STAG2: variants seen among roughly 807,000 people sequenced by gnomAD.
STAG2 encodes the protein STAG2 cohesin complex component, also known as cohesin subunit SA-2.
STAG2 carries 14 observed loss-of-function variants against 108.1 expected under a neutral mutation model. The ratio of observed to expected loss-of-function variants is 0.13; its 90% CI spans 0.09 to 0.20. The LOEUF is 0.20. STAG2 is among the 10% of genes least tolerant of loss of function. The probability of loss-of-function intolerance (pLI) is 1.00; values close to 1 mark genes in which losing one functional copy is unlikely to be tolerated. For synonymous variants in STAG2, 307 were observed against 302.7 expected (o/e 1.01, Z -0.15); for missense variants, 440 against 940.9 (o/e 0.47, Z 6.96).
At chrX:123,981,019 T>G (rs187227226) in intron 1 of STAG2, among the ~76,000 whole-genome samples, 1 of 111,758 alleles carries the variant, frequency 8.9e-6, no homozygotes, top group East Asian at 2.8e-4. Flanking sequence ...ATGAGTATCT[T>G]ATAAAAATCA....
intron 3 of STAG2, among the ~76,000 whole-genome samples, chrX:124,023,194 A>G (rs1455320274): frequency 8.9e-6 from 1 of 112,036 alleles, no homozygotes; most frequent in Admixed American, 9.5e-5. Flanking sequence ...CTTGGTTTTG[A>G]AAGATTTTGA....
intron 30 of STAG2, among the ~76,000 whole-genome samples, chrX:124,089,855 T>C (rs764688972): frequency 9.1e-6 from 1 of 110,495 alleles, no homozygotes; most frequent in Admixed American, 9.7e-5. Flanking sequence ...AGGTCAAATA[T>C]CAGCAGATTA....
intron 8 of STAG2, among the ~76,000 whole-genome samples, chrX:124,045,758 A>G (rs2057856591): frequency 9.0e-6 from 1 of 110,956 alleles, no homozygotes; most frequent in Non-Finnish European, 1.9e-5. Flanking sequence ...ATAGGTATGT[A>G]TTGGGTTTTT....
Position 124,061,327 on chromosome X carries a change from T to A in STAG2, c.1520T>A (p.Leu507His). The A allele has an allele frequency of 8.4e-7, 1 of 1,194,213 alleles. No individual in the cohort carries two copies. Among genetic ancestry groups the A allele is most frequent in the Non-Finnish European group, 1.1e-6 (1 of 880,720 alleles). ...AATAGCTTGTTACTGGAAGAGCCAC[T>A]TAGTGGAGAGGAAGGTAAGGATGTT... ...CMNSLLLEEP[L>H]SGEEALTDRQ... The change falls in exon 16 of 35, where the codon CTT (leucine) becomes CAT (histidine). Residue 507 changes from leucine to histidine, a missense_variant. By Grantham distance (99) the Leu-to-His change is moderately conservative. Coordinates refer to ENST00000371145, the MANE Select transcript of STAG2 (RefSeq NM_001042750.2).
chrX:124,002,932 A>C (rs1333169529), intron 1 of STAG2, among the ~76,000 whole-genome samples: 2 of 106,002 alleles, frequency 1.9e-5, no homozygotes, highest in African/African-American at 6.9e-5. Flanking sequence ...TTGGGATTAC[A>C]GGTGTGAGCC....
intron 6 of STAG2, among the ~76,000 whole-genome samples, chrX:124,038,011 C>CAGTA (rs1312982263): frequency 9.0e-6 from 1 of 111,259 alleles, no homozygotes; most frequent in African/African-American, 3.3e-5. Context: ...CCATGAATAA[C>CAGTA]AGTAAGTAAG....
At chrX:124,025,534 C>T (rs960965168) in intron 3 of STAG2, among the ~76,000 whole-genome samples, 3 of 111,073 alleles carry the variant, frequency 2.7e-5, no homozygotes, top group Non-Finnish European at 5.7e-5. Context: ...TTACATGGAA[C>T]ACCACAGTTC....
At chrX:123,973,510 C>G (rs766937356) in intron 1 of STAG2, among the ~76,000 whole-genome samples, 65 of 96,407 alleles carry the variant, frequency 6.7e-4, no homozygotes, top group Non-Finnish European at 1.2e-3. Flanking sequence ...CCACAGCACT[C>G]CAGCCTGGCA....
chrX:124,052,417 G>T (rs2058071066), intron 13 of STAG2, among the ~76,000 whole-genome samples: 1 of 111,991 alleles, frequency 8.9e-6, no homozygotes, highest in Admixed American at 9.5e-5. Context: ...TTTCGTATAA[G>T]TGGAATCATA....
chrX:124,034,986 T>G (rs992499010), intron 5 of STAG2, among the ~76,000 whole-genome samples: 2 of 108,697 alleles, frequency 1.8e-5, no homozygotes, highest in South Asian at 8.0e-4. Context: ...AACCTCCGCC[T>G]CCCGGGTTCA....
At chrX:124,006,832 G>A (rs2056317773) in intron 1 of STAG2, among the ~76,000 whole-genome samples, 1 of 111,169 alleles carries the variant, frequency 9.0e-6, no homozygotes, top group African/African-American at 3.3e-5. Flanking sequence ...TTTAACATGT[G>A]TTTTAAAAGT....
At chrX:124,007,371 GT>G (rs1307948814) in intron 1 of STAG2, among the ~76,000 whole-genome samples, 4 of 111,199 alleles carry the variant, frequency 3.6e-5, no homozygotes, top group African/African-American at 1.3e-4. Flanking sequence ...TAAGCAAAGT[GT>G]TGTGTTCTGA....
At position 124,025,938 on chromosome X, in the gene STAG2, C is replaced by CT. The variant is rs1158424749; in HGVS notation, c.123+23dup. The CT allele has an allele frequency of 9.2e-7, 1 of 1,085,766 alleles. No individual in the cohort carries two copies. The highest frequency in any genetic ancestry group is 2.0e-5 in the South Asian group (1 of 49,459). The allele number at this position is 1,085,766 out of a possible 1,213,427, so 89.5% of individuals were successfully genotyped here. The stretch of plus-strand genomic sequence containing the variant: ...GGCAAAGTATGTATCAAATATTTGA[C>CT]TTTATTTTGTTTCCTAAGATCTCAC... On this transcript the variant is annotated intron_variant, in intron 4 of 34. Coordinates refer to ENST00000371145, the MANE Select transcript of STAG2 (RefSeq NM_001042750.2).
chrX:124,045,564 A>G (rs1274629476), intron 8 of STAG2, among the ~76,000 whole-genome samples, 196 bp downstream of exon 8: 2 of 111,473 alleles, frequency 1.8e-5, no homozygotes, highest in Non-Finnish European at 3.8e-5. Flanking sequence ...GTGAAGGTAT[A>G]CTATAACTAG....
chrX:124,051,118 T>TTTTTCA lies in STAG2; in HGVS notation c.1018-3_1018-2insTTTTCA. ...TCTCATCTTTTTTTTTTTTTTTTTT[T>TTTTTCA]AGCAAGGTGAAGTAAGACTCAAATG... On this transcript the variant is annotated splice_region_variant and splice_polypyrimidine_tract_variant and intron_variant, in intron 11 of 34. Transcript: ENST00000371145. The TTTTTCA allele has an allele frequency of 1.1e-6, 1 of 925,743 alleles. No individual in the cohort carries two copies. The allele number at this position is 925,743 out of a possible 1,213,427, so 76.3% of individuals were successfully genotyped here.
At chrX:123,982,330 C>T (rs2054914183) in intron 1 of STAG2, among the ~76,000 whole-genome samples, 1 of 111,028 alleles carries the variant, frequency 9.0e-6, no homozygotes, top group African/African-American at 3.3e-5. Context: ...GAGTGAGACC[C>T]TGTCTTTAAA....
Position 124,050,347 on chromosome X carries a change from C to T in STAG2, c.1017+38C>T, listed in dbSNP as rs755084915. On this transcript the variant is annotated intron_variant, in intron 11 of 34. Coordinates refer to ENST00000371145, the MANE Select transcript of STAG2 (RefSeq NM_001042750.2). ...CTTCAGACTGCTTCTTTCTACACAT[C>T]GGCGTGGCTGTCTGCACCTCTCATT... 21 of 1,167,318 alleles carry T rather than the reference C, an allele frequency of 1.8e-5. No individual in the cohort carries two copies. In the South Asian group the frequency reaches 3.3e-4, roughly 18 times the overall value.
chrX:124,071,010 T>G, intron 24 of STAG2, 139 bp from the exon 25 acceptor site: 1 of 443,686 alleles, frequency 2.3e-6, no homozygotes, highest in Non-Finnish European at 3.4e-6. Context: ...AGGAAAATAC[T>G]AAACATTGAT....
At chrX:124,047,629 A>G (rs112166456) in intron 9 of STAG2, 124 bp downstream of exon 9, 18 of 610,803 alleles carry the variant, frequency 2.9e-5, no homozygotes, top group African/African-American at 2.6e-4. Context: ...ATAACATTTC[A>G]AACTATTTGC....
Sources: allele counts gnomAD v4.1 joint callset (sites outside exome capture counted in the v4.1 genomes callset), GRCh38; gene constraint gnomAD v4.1.1; transcripts MANE v1.5; gene names NCBI Gene and HGNC (gene_info 2026-07-23, HGNC 2026-07-21).